The following LRRIQ1 variants were observed in gnomAD, a reference collection of about 807,000 sequenced individuals.
The protein encoded by LRRIQ1 is leucine rich repeats and IQ motif containing 1.
LRRIQ1 carries 210 observed loss-of-function variants against 211.9 expected under a neutral mutation model. The ratio of observed to expected loss-of-function variants is 0.99; its 90% CI spans 0.89 to 1.11. The LOEUF (loss-of-function observed/expected upper bound fraction) is 1.11, where lower values mean the gene tolerates loss of function less well. Ranked by LOEUF, LRRIQ1 falls within the 50% of genes most tolerant of loss-of-function variation. LRRIQ1 has a pLI of 0.00. For synonymous variants in LRRIQ1, 699 were observed against 650.1 expected (o/e 1.08, Z -1.14); for missense variants, 2,136 against 1,939.5 (o/e 1.10, Z -1.90).
At chr12:85,181,563 A>T (rs1243983103) in intron 24 of LRRIQ1, among the ~76,000 whole-genome samples, 1 of 151,996 alleles carries the variant, frequency 6.6e-6, no homozygotes, top group Non-Finnish European at 1.5e-5. Context: ...AATTATTATA[A>T]ATAACATTTA....
intron 24 of LRRIQ1, among the ~76,000 whole-genome samples, chr12:85,207,577 G>C (rs533409904): frequency 6.6e-6 from 1 of 151,956 alleles, no homozygotes. Context: ...CCTTGATGTT[G>C]TATCTAAAAA....
chr12:85,166,444 T>C lies in LRRIQ1; in HGVS notation c.4822+5730T>C, dbSNP rs566961480. 2.0e-5 allele frequency among the ~76,000 whole-genome samples: 3 copies of C among 152,378 alleles called. No homozygotes were observed. The South Asian group carries it at 6.2e-4, about 32-fold the overall frequency. On this transcript the variant is annotated intron_variant, in intron 24 of 26. Transcript: ENST00000393217. ...TTATAAACATATATTCAAATATTTT[T>C]GTATTAAATGTTTAAATATTGAATG...
chr12:85,199,327 T>A (rs1893176826), intron 24 of LRRIQ1, among the ~76,000 whole-genome samples: 1 of 152,140 alleles, frequency 6.6e-6, no homozygotes, highest in African/African-American at 2.4e-5. Flanking sequence ...ATCTTTCGCA[T>A]ATAGGCAGCC....
At chr12:85,185,316 G>A (rs1233588693) in intron 24 of LRRIQ1, among the ~76,000 whole-genome samples, 1 of 151,762 alleles carries the variant, frequency 6.6e-6, no homozygotes, top group East Asian at 1.9e-4. Flanking sequence ...ATGTGTATAT[G>A]TATGTGTCTA....
At chr12:85,178,502 T>C (rs1891825517) in intron 24 of LRRIQ1, among the ~76,000 whole-genome samples, 1 of 151,994 alleles carries the variant, frequency 6.6e-6, no homozygotes, top group Non-Finnish European at 1.5e-5. Context: ...TGAGACAGGA[T>C]TCATGGTGCA....
chr12:85,202,667 A>T (rs1893353560), intron 24 of LRRIQ1, among the ~76,000 whole-genome samples: 1 of 152,130 alleles, frequency 6.6e-6, no homozygotes, highest in East Asian at 1.9e-4. Context: ...CTTTGAGCTG[A>T]TGGGTGTCCT....
intron 13 of LRRIQ1, among the ~76,000 whole-genome samples, chr12:85,100,064 G>C (rs1886228394): frequency 6.6e-6 from 1 of 151,720 alleles, no homozygotes; most frequent in Non-Finnish European, 1.5e-5. Context: ...ATATTTTCCA[G>C]GTACAGAGTA....
At chr12:85,179,451 A>G (rs1366328055) in intron 24 of LRRIQ1, among the ~76,000 whole-genome samples, 1 of 151,904 alleles carries the variant, frequency 6.6e-6, no homozygotes, top group South Asian at 2.1e-4. Context: ...ATTGCAAAGG[A>G]TACTATTACA....
chr12:85,156,338 A>T (rs1448581306), intron 23 of LRRIQ1, among the ~76,000 whole-genome samples: 1 of 151,714 alleles, frequency 6.6e-6, no homozygotes, highest in Non-Finnish European at 1.5e-5. Context: ...AGATATACAG[A>T]TTAGAAACAT....
At chr12:85,199,185 C>T (rs1281004242) in intron 24 of LRRIQ1, among the ~76,000 whole-genome samples, 2 of 152,060 alleles carry the variant, frequency 1.3e-5, no homozygotes, top group Non-Finnish European at 2.9e-5. Context: ...GAAGTCTTTG[C>T]CAGGTCCCAT....
rs752284463 is a variant in LRRIQ1 at position 85,098,476 on chromosome 12, T to C, written c.3009T>C (p.Leu1003=). Residue 1003 remains leucine (L), a synonymous_variant, in exon 12 of 27, where the codon CTT becomes CTC. Transcript: ENST00000393217. ...ACCTAGATTGCTCCCATAATCATCTTACTGATGTAGAGGGCGTTGAAAATT... is the reference window on the plus strand; with the variant it reads ...ACCTAGATTGCTCCCATAATCATCTCACTGATGTAGAGGGCGTTGAAAATT... ...IVYLDCSHNH[L]TDVEGVENCG... 2 of 1,612,228 alleles carry C rather than the reference T, an allele frequency of 1.2e-6. No homozygotes were observed. The highest frequency in any genetic ancestry group is 2.2e-5 in the South Asian group (2 of 91,018).
intron 26 of LRRIQ1, among the ~76,000 whole-genome samples, chr12:85,239,902 G>A (rs1895386615): frequency 6.6e-6 from 1 of 151,800 alleles, no homozygotes; most frequent in Non-Finnish European, 1.5e-5. Flanking sequence ...CCCTTGAACC[G>A]GGGAGGCAGA....
chr12:85,176,634 C>G (rs998222648), intron 24 of LRRIQ1, among the ~76,000 whole-genome samples: 24 of 149,328 alleles, frequency 1.6e-4, no homozygotes, highest in Non-Finnish European at 2.8e-4. Flanking sequence ...GGAGATATAC[C>G]TAATGCTAGA....
chr12:85,046,425 TAC>T (rs1326374114), intron 5 of LRRIQ1, among the ~76,000 whole-genome samples: 1 of 152,048 alleles, frequency 6.6e-6, no homozygotes. Flanking sequence ...ATGACACACA[TAC>T]ACACACACAC....
chr12:85,268,419 A>G (rs1006540017), downstream of LRRIQ1, among the ~76,000 whole-genome samples: 6 of 151,992 alleles, frequency 3.9e-5, no homozygotes, highest in Non-Finnish European at 4.4e-5. Context: ...ACTCAAAAAT[A>G]CACCCAGAAA....
intron 1 of LRRIQ1, among the ~76,000 whole-genome samples, chr12:85,250,997 A>ATATATATTATAGATTATATATTATAT: frequency 9.0e-6 from 1 of 111,614 alleles, no homozygotes; most frequent in Non-Finnish European, 1.8e-5. Flanking sequence ...ATATTATATT[A>ATATATATTATAGATTATATATTATAT]TATATAATAT....
intron 18 of LRRIQ1, among the ~76,000 whole-genome samples, chr12:85,131,417 C>A (rs1332736611): frequency 6.6e-6 from 1 of 151,882 alleles, no homozygotes; most frequent in Non-Finnish European, 1.5e-5. Flanking sequence ...GAGATAAACT[C>A]TTGTTTTTGG....
At chr12:85,174,113 C>A (rs1490685216) in intron 24 of LRRIQ1, among the ~76,000 whole-genome samples, 1 of 151,674 alleles carries the variant, frequency 6.6e-6, no homozygotes, top group Non-Finnish European at 1.5e-5. Flanking sequence ...AAAAAAGTAG[C>A]AAGCATAATA....
At chr12:85,111,478 C>A (rs556842376) in intron 15 of LRRIQ1, among the ~76,000 whole-genome samples, 1 of 152,080 alleles carries the variant, frequency 6.6e-6, no homozygotes, top group Non-Finnish European at 1.5e-5. Context: ...ATCACCAAAC[C>A]TACTTCACAA....
Sources: allele counts gnomAD v4.1 joint callset (sites outside exome capture counted in the v4.1 genomes callset), GRCh38; gene constraint gnomAD v4.1.1; transcripts MANE v1.5; gene names NCBI Gene and HGNC (gene_info 2026-07-23, HGNC 2026-07-21).